ESCO1: variants seen among roughly 807,000 people sequenced by gnomAD.
ESCO1 encodes N-acetyltransferase ESCO1.
In ESCO1, 33 loss-of-function variants were observed where a neutral mutation model predicts 83.5. The ratio of observed to expected loss-of-function variants is 0.40; its 90% CI spans 0.30 to 0.53. ESCO1 has a LOEUF of 0.53. ESCO1 is among the 20% of genes least tolerant of loss of function. ESCO1 has a pLI of 0.63. For missense variants in ESCO1, 855 were observed against 968.0 expected (o/e 0.88, Z 1.55); for synonymous variants, 332 against 324.3 (o/e 1.02, Z -0.25).
chr18:21,551,112 C>CAAAAAAAAAAAA (rs57346736), intron 8 of ESCO1, among the ~76,000 whole-genome samples: 1 of 75,280 alleles, frequency 1.3e-5, no homozygotes, highest in Non-Finnish European at 2.5e-5. Context: ...AACTCTGTCT[C>CAAAAAAAAAAAA]AAAAAAAAAA....
At chr18:21,554,809 T>C (rs1019609465) in intron 8 of ESCO1, among the ~76,000 whole-genome samples, 1 of 152,002 alleles carries the variant, frequency 6.6e-6, no homozygotes, top group Non-Finnish European at 1.5e-5. Flanking sequence ...CTTAGGAGGC[T>C]GAGGCAGAGA....
chr18:21,536,041 C>T lies in ESCO1; in HGVS notation c.2187+1G>A, dbSNP rs200076587. On this transcript the variant is annotated splice_donor_variant, in intron 10 of 11. Transcript: ENST00000269214. LOFTEE classifies it high-confidence loss of function. ...CTTAAGAACACTCTTTTATCACTTA[C>T]CCATTGGATATGTTCCGCAATTAGG... 6.2e-7 allele frequency: 1 copy of T among 1,613,416 alleles called. No homozygotes were observed. Among genetic ancestry groups the T allele is most frequent in the East Asian group, 2.2e-5 (1 of 44,852 alleles).
chr18:21,557,624 T>G (rs2038129467), intron 8 of ESCO1, among the ~76,000 whole-genome samples: 1 of 152,204 alleles, frequency 6.6e-6, no homozygotes, highest in African/African-American at 2.4e-5. Context: ...CACACAACAT[T>G]CACTCAGATG....
At chr18:21,532,441 A>G (rs1273721508) in intron 11 of ESCO1, 32 bp downstream of exon 11, 3 of 1,586,788 alleles carry the variant, frequency 1.9e-6, no homozygotes, top group South Asian at 1.1e-5. Context: ...CTAAACTACT[A>G]AAAATGATTT....
intron 8 of ESCO1, among the ~76,000 whole-genome samples, chr18:21,541,365 A>C (rs1224585311): frequency 1.3e-5 from 2 of 151,980 alleles, no homozygotes; most frequent in African/African-American, 4.8e-5. Flanking sequence ...CTTTGGGAGG[A>C]GGGCAGATCA....
intron 8 of ESCO1, among the ~76,000 whole-genome samples, chr18:21,553,629 G>A (rs1222188280): frequency 6.6e-6 from 1 of 151,842 alleles, no homozygotes; most frequent in Admixed American, 6.6e-5. Context: ...AGGCTGAGGC[G>A]GGCGGATCAC....
chr18:21,544,736 T>C (rs985247587), intron 8 of ESCO1, among the ~76,000 whole-genome samples: 7 of 152,206 alleles, frequency 4.6e-5, no homozygotes, highest in African/African-American at 1.7e-4. Flanking sequence ...TATCCATGAA[T>C]TGTTGAAGGT....
chr18:21,539,867 T>A (rs964315456), intron 9 of ESCO1, 53 bp downstream of exon 9: 37 of 1,442,620 alleles, frequency 2.6e-5, no homozygotes, highest in South Asian at 4.8e-5. Context: ...AAAAAAAAAA[T>A]TAACTGCAAA....
At chr18:21,562,334 G>A (rs2038198218) in intron 7 of ESCO1, among the ~76,000 whole-genome samples, 1 of 152,098 alleles carries the variant, frequency 6.6e-6, no homozygotes, top group Non-Finnish European at 1.5e-5. Flanking sequence ...CAAATAGCCA[G>A]GCACGGTGGT....
intron 1 of ESCO1, among the ~76,000 whole-genome samples, chr18:21,595,996 A>G (rs2038761482): frequency 1.3e-5 from 2 of 151,584 alleles, no homozygotes; most frequent in African/African-American, 2.4e-5. Context: ...TAAAATAAAA[A>G]TAAATAAATA....
chr18:21,573,254 A>C (rs2038364474), intron 4 of ESCO1, 60 bp downstream of exon 4: 3 of 1,429,856 alleles, frequency 2.1e-6, no homozygotes, highest in Non-Finnish European at 2.8e-6. Flanking sequence ...AAATGTTATA[A>C]AGACATTTCT....
intron 2 of ESCO1, among the ~76,000 whole-genome samples, chr18:21,583,651 A>G (rs1055443349): frequency 2.0e-5 from 3 of 152,166 alleles, no homozygotes; most frequent in African/African-American, 7.2e-5. Context: ...CTCAAAAAAA[A>G]AAAAAGAAAA....
chr18:21,548,939 T>TA (rs796154017), intron 8 of ESCO1, among the ~76,000 whole-genome samples: 1,513 of 140,210 alleles, frequency 0.011, 9 homozygotes, highest in East Asian at 0.019. Flanking sequence ...CCCTGTCTCT[T>TA]AAAAAAAAAA....
Position 21,553,457 on chromosome 18 carries a change from A to T in ESCO1, c.1953+7402T>A, listed in dbSNP as rs1286681487. On this transcript the variant is annotated intron_variant, in intron 8 of 11. Transcript: ENST00000269214. ...TCCATTTCTATTTTTATTAAAAAAAAAAAAAAAAAAAAAAAAAAATTTTTT... is the reference window on the plus strand; with the variant it reads ...TCCATTTCTATTTTTATTAAAAAAATAAAAAAAAAAAAAAAAAAATTTTTT... Among the ~76,000 whole-genome samples, 162 of 104,448 alleles carry T rather than the reference A, an allele frequency of 1.6e-3. 1 individual carries two copies. Among genetic ancestry groups the T allele is most frequent in the South Asian group, 0.012 (28 of 2,388 alleles). 68.5% of individuals were successfully genotyped at this position (104,448 alleles called of 152,430 possible). A position where few individuals can be genotyped will look rare whatever the true frequency, so the allele number is the denominator to read the frequency against.
At chr18:21,543,184 C>T (rs2037928561) in intron 8 of ESCO1, among the ~76,000 whole-genome samples, 1 of 152,002 alleles carries the variant, frequency 6.6e-6, no homozygotes, top group African/African-American at 2.4e-5. Context: ...GAGACAGTTT[C>T]AATCTTGTTG....
At chr18:21,594,567 G>A (rs1471151218) in intron 1 of ESCO1, among the ~76,000 whole-genome samples, 1 of 152,128 alleles carries the variant, frequency 6.6e-6, no homozygotes, top group Non-Finnish European at 1.5e-5. Flanking sequence ...AGCCAGGCGT[G>A]GTGGTGGGCG....
At chr18:21,591,759 T>C (rs1003570726) in intron 1 of ESCO1, among the ~76,000 whole-genome samples, 8 of 151,410 alleles carry the variant, frequency 5.3e-5, no homozygotes, top group Non-Finnish European at 8.8e-5. Flanking sequence ...GGAGGGAAGG[T>C]CAGCAGATAA....
intron 11 of ESCO1, 46 bp from the exon 12 acceptor site, chr18:21,530,536 TAA>T (rs559851098): frequency 6.0e-4 from 557 of 932,534 alleles, no homozygotes; most frequent in East Asian, 1.2e-3. Flanking sequence ...TGTGAAATGT[TAA>T]AAAAAAAAAA....
At chr18:21,551,112 CA>C (rs57346736) in intron 8 of ESCO1, among the ~76,000 whole-genome samples, 1,719 of 75,256 alleles carry the variant, frequency 0.023, 15 homozygotes, top group Middle Eastern at 0.051. Context: ...AACTCTGTCT[CA>C]AAAAAAAAAA....
Sources: allele counts gnomAD v4.1 joint callset (sites outside exome capture counted in the v4.1 genomes callset), GRCh38; gene constraint gnomAD v4.1.1; transcripts MANE v1.5; gene names NCBI Gene and HGNC (gene_info 2026-07-23, HGNC 2026-07-21).